The following MICOS13 variants were observed in gnomAD, a reference collection of about 807,000 sequenced individuals.
MICOS13 encodes MICOS complex subunit MIC13.
Under a neutral mutation model 16.1 loss-of-function variants are expected in MICOS13, and 15 were observed. The ratio of observed to expected loss-of-function variants is 0.93; its 90% CI spans 0.62 to 1.44. MICOS13 has a LOEUF of 1.44. Among genes scored for constraint, MICOS13 ranks in the 40% most tolerant of loss-of-function variants. MICOS13 has a pLI of 0.00. For missense variants in MICOS13, 164 were observed against 155.0 expected (o/e 1.06, Z -0.31); for synonymous variants, 61 against 62.6 (o/e 0.97, Z 0.12).
At position 5,679,777 on chromosome 19, in the gene MICOS13, CG is replaced by C. The variant is rs781760086; in HGVS notation, c.30-15del. 31 of 1,583,870 alleles carry C rather than the reference CG, an allele frequency of 2.0e-5. No individual in the cohort carries two copies. In the Admixed American group the frequency reaches 5.7e-4, roughly 29 times the overall value. On this transcript the variant is annotated splice_polypyrimidine_tract_variant and intron_variant, in intron 1 of 3. Transcript: ENST00000309324. ...TTGATGAGGAACCTGCGGGCAGGGA[CG>C]GGAGGAGCAGAAGCTCAGCGGACAC...
rs766841345 is a variant in MICOS13, at chr19:5,680,017, C to G, written c.30-254G>C. On this transcript the variant is annotated intron_variant, in intron 1 of 3. Transcript: ENST00000309324. ...GGGGAGAGTGGGTCACTCAAAGTCC[C>G]ACAGTGAGCAGGGGCAGTGAAGACG... 7.3e-6 allele frequency: 11 copies of G among 1,502,234 alleles called. No individual in the cohort carries two copies. In the South Asian group the frequency reaches 1.2e-4, roughly 17 times the overall value. 93.1% of individuals were successfully genotyped at this position (1,502,234 alleles called of 1,614,324 possible). A position where few individuals can be genotyped will look rare whatever the true frequency, so the allele number is the denominator to read the frequency against.
rs867153283 is a variant in MICOS13, at chr19:5,678,469, G to A, written c.*82C>T. On this transcript the variant is annotated 3_prime_UTR_variant, in exon 4 of 4. Coordinates refer to ENST00000309324, the MANE Select transcript of MICOS13 (RefSeq NM_205767.3). ...GCCGGCAAGGCCGGGAGCTGCCCTC[G>A]GAGTGGGGTCCCAGTCCGGAGTCTT... The A allele has an allele frequency of 2.0e-5, 27 of 1,326,976 alleles. No homozygotes were observed. Among genetic ancestry groups the A allele is most frequent in the African/African-American group, 5.9e-5 (4 of 67,624 alleles). The allele number at this position is 1,326,976 out of a possible 1,614,324, so 82.2% of individuals were successfully genotyped here.
intron 1 of MICOS13, chr19:5,680,070 C>G (rs1159201387): frequency 6.5e-7 from 1 of 1,531,176 alleles, no homozygotes; most frequent in African/African-American, 1.4e-5. Flanking sequence ...AGAAGCCTTC[C>G]AGCCCTGGAG....
intron 1 of MICOS13, chr19:5,680,097 G>C (rs2054505444): frequency 6.5e-7 from 1 of 1,535,184 alleles, no homozygotes; most frequent in African/African-American, 1.4e-5. Flanking sequence ...AGTGTCCCTG[G>C]GCGCCTCCTG....
intron 1 of MICOS13, 123 bp from the exon 2 acceptor site, chr19:5,679,886 A>G: frequency 1.5e-6 from 2 of 1,357,706 alleles, no homozygotes; most frequent in Non-Finnish European, 2.0e-6. Context: ...GACACTCTGT[A>G]GTGCAGCACC....
Position 5,680,499 on chromosome 19 carries a change from C to G in MICOS13, c.-13G>C, listed in dbSNP as rs773515009. 13 of 1,605,536 alleles carry G rather than the reference C, an allele frequency of 8.1e-6. No homozygotes were observed. The highest frequency in any genetic ancestry group is 1.1e-5 in the Non-Finnish European group (13 of 1,178,078). On this transcript the variant is annotated 5_prime_UTR_variant, in exon 1 of 4. Coordinates refer to ENST00000309324, the MANE Select transcript of MICOS13 (RefSeq NM_205767.3). ...CCCGGGCCACCATGGTCGCTCGGAT[C>G]CACGCGCAAGGACACTCGGCTCGCC...
intron 3 of MICOS13, 91 bp from the exon 4 acceptor site, chr19:5,678,739 GT>G (rs2054476645): frequency 8.0e-6 from 6 of 754,680 alleles, no homozygotes; most frequent in South Asian, 1.9e-5. Context: ...GTTTTGGGCG[GT>G]GGGGGGTGGG....
intron 1 of MICOS13, chr19:5,680,065 C>T (rs762135824): frequency 4.4e-4 from 679 of 1,528,516 alleles, no homozygotes; most frequent in Non-Finnish European, 4.5e-4. Context: ...CTTCTAGAAG[C>T]CTTCCAGCCC....
Position 5,679,637 on chromosome 19 carries a change from C to T in MICOS13, c.156G>A (p.Met52Ile), listed in dbSNP as rs779493371. 12 of 1,610,934 alleles carry T rather than the reference C, an allele frequency of 7.4e-6. No homozygotes were observed. The highest frequency in any genetic ancestry group is 1.0e-5 in the Non-Finnish European group (12 of 1,179,278). ...GACACACGTACTGGCTGAACTGGTACATGGCGGGGGGGACCACCTCCCCAG... is the reference window on the plus strand; with the variant it reads ...GACACACGTACTGGCTGAACTGGTATATGGCGGGGGGGACCACCTCCCCAG... ...QKAGEVVPPA[M>I]YQFSQYVCQQ... Residue 52 changes from methionine to isoleucine, a missense_variant, in exon 2 of 4, where the codon ATG (methionine) becomes ATA (isoleucine). Transcript: ENST00000309324.
At chr19:5,680,120 C>T (rs910801566) in intron 1 of MICOS13, 2 of 1,536,016 alleles carry the variant, frequency 1.3e-6, no homozygotes, top group Non-Finnish European at 1.7e-6. Flanking sequence ...CGCTGTCACT[C>T]GCAGCTCCGA....
chr19:5,678,747 T>TGGGGGGGGG, intron 3 of MICOS13, 99 bp from the exon 4 acceptor site: 4 of 198,468 alleles, frequency 2.0e-5, no homozygotes, highest in Middle Eastern at 1.3e-3. Flanking sequence ...CGGTGGGGGG[T>TGGGGGGGGG]GGGTGGGGGG....
intron 3 of MICOS13, 85 bp from the exon 4 acceptor site, chr19:5,678,733 T>TTTTGG (rs2145518557): frequency 2.0e-5 from 5 of 252,178 alleles, no homozygotes; most frequent in South Asian, 4.3e-5. Flanking sequence ...GAGTTTGTTT[T>TTTTGG]GGGCGGTGGG....
At position 5,678,627 on chromosome 19, in the gene MICOS13, G is replaced by A. The variant is rs760120161; in HGVS notation, c.281C>T (p.Ala94Val). 1.4e-5 allele frequency: 22 copies of A among 1,543,058 alleles called. No homozygotes were observed. In the South Asian group the frequency reaches 2.6e-4, roughly 19 times the overall value. Residue 94 changes from alanine to valine, a missense_variant, in exon 4 of 4, where the codon GCT becomes GTT. Transcript: ENST00000309324. ...GGCCTTGGAGGGGGCCACCGACAGA[G>A]CTGACATCACCGTCATGATGCCTGT... ...WNAGIMTVMS[A>V]LSVAPSKARE...
At chr19:5,679,989 GA>G in intron 1 of MICOS13, 1 of 1,475,946 alleles carries the variant, frequency 6.8e-7, no homozygotes, top group African/African-American at 1.4e-5. Context: ...CTGAAACCCA[GA>G]GGGGGAGAGT....
chr19:5,680,516 C>A lies in MICOS13; in HGVS notation c.-30G>T. On this transcript the variant is annotated 5_prime_UTR_variant, in exon 1 of 4. Transcript: ENST00000309324. Reference sequence around the variant, plus strand: ...GCTCGGATCCACGCGCAAGGACACTCGGCTCGCCCGCCGCTTCCTGTCGCG... The same window carrying A: ...GCTCGGATCCACGCGCAAGGACACTAGGCTCGCCCGCCGCTTCCTGTCGCG... 1 of 1,592,002 alleles carries A rather than the reference C, an allele frequency of 6.3e-7. No homozygotes were observed. Among genetic ancestry groups the A allele is most frequent in the East Asian group, 2.2e-5 (1 of 44,758 alleles).
chr19:5,679,493 C>T, intron 2 of MICOS13, 93 bp downstream of exon 2: 1 of 1,593,326 alleles, frequency 6.3e-7, no homozygotes, highest in South Asian at 1.1e-5. Context: ...ATCAGGTCAG[C>T]ATCAATATGG....
At chr19:5,679,273 G>C (rs776097314) in intron 3 of MICOS13, 72 bp downstream of exon 3, 1 of 1,456,828 alleles carries the variant, frequency 6.9e-7, no homozygotes, top group Admixed American at 2.0e-5. Flanking sequence ...GGACAGAAAG[G>C]AATGGCCAGG....
chr19:5,679,917 T>C (rs2054502200), intron 1 of MICOS13, 154 bp from the exon 2 acceptor site: 1 of 1,336,974 alleles, frequency 7.5e-7, no homozygotes, highest in South Asian at 1.4e-5. Flanking sequence ...ACCCCTATTA[T>C]ATACAGCACT....
At chr19:5,679,306 G>A (rs1488996188) in intron 3 of MICOS13, 39 bp downstream of exon 3, 1 of 1,580,278 alleles carries the variant, frequency 6.3e-7, no homozygotes, top group Admixed American at 1.7e-5. Flanking sequence ...GGGCTAGACT[G>A]GGGTGTCTCC....
Sources: gnomAD v4.1 joint callset for allele counts on GRCh38, gnomAD v4.1.1 for gene constraint, MANE v1.5 for transcripts, NCBI Gene and HGNC (gene_info 2026-07-23, HGNC 2026-07-21) for gene names.